AKAP17A: variants seen among roughly 807,000 people sequenced by gnomAD.
AKAP17A encodes A-kinase anchoring protein 17A.
AKAP17A carries 15 observed loss-of-function variants against 52.2 expected under a neutral mutation model. The observed-to-expected ratio is 0.29, with a 90% CI of 0.19 to 0.44. AKAP17A has a LOEUF of 0.44. AKAP17A is among the 20% of genes least tolerant of loss of function. The pLI is 1.00. For synonymous variants in AKAP17A, 514 were observed against 424.7 expected, an observed-to-expected ratio of 1.21 and a Z score of -2.58; for missense variants, 1,060 against 1,007.0, an observed-to-expected ratio of 1.05 and a Z score of -0.71.
Position 1,593,573 on chromosome X carries a change from G to C in AKAP17A, c.111G>C (p.Pro37=). The part of the protein sequence containing the change: ...ITKMTISVAL[P]QLKQPGKSIS... Reference sequence around the variant, plus strand: ...AGATGACCATCAGCGTGGCACTCCCGCAGCTGAAGCAGCCGGGGAAGTCCA... The same window carrying C: ...AGATGACCATCAGCGTGGCACTCCCCCAGCTGAAGCAGCCGGGGAAGTCCA... Residue 37 remains proline (P), a synonymous_variant, in exon 2 of 5, where the codon CCG becomes CCC. Transcript: ENST00000313871. 3 of 1,613,790 alleles carry C rather than the reference G, an allele frequency of 1.9e-6. No individual in the cohort carries two copies. The highest frequency in any genetic ancestry group is 2.5e-6 in the Non-Finnish European group (3 of 1,179,870).
chrX:1,595,245 C>G (rs1480056416), intron 2 of AKAP17A, 139 bp from the exon 3 acceptor site: 2 of 244,780 alleles, frequency 8.2e-6, no homozygotes, highest in Non-Finnish European at 1.2e-5. Flanking sequence ...CTGCACCGGA[C>G]ATGAGTGGTG....
At chrX:1,598,640 C>G (rs1933158930) in intron 3 of AKAP17A, among the ~76,000 whole-genome samples, 1 of 152,280 alleles carries the variant, frequency 6.6e-6, no homozygotes, top group Admixed American at 6.5e-5. Flanking sequence ...TTCATCCTCA[C>G]TTCCTGGACA....
At position 1,600,686 on chromosome X, in the gene AKAP17A, AAGG is replaced by A. The variant is rs1433177680; in HGVS notation, c.1186_1188del (p.Glu396del). ...TGTGAAGCTACGGGAACAGGAGCAG[AAGG>A]AGGAGAAGCTGAGGCTCCAGCAGCA... On this transcript the variant is annotated inframe_deletion, in exon 5 of 5. Coordinates refer to ENST00000313871, the MANE Select transcript of AKAP17A (RefSeq NM_005088.3). 3.2e-6 allele frequency: 5 copies of A among 1,544,570 alleles called. No homozygotes were observed. In the African/African-American group the frequency reaches 4.1e-5, roughly 13 times the overall value.
rs773634719 is a variant in AKAP17A, at chrX:1,593,783, C to T, written c.321C>T (p.Ser107=). Reference sequence around the variant, plus strand: ...AGACCATCAAGCTCAGCGGCTTCTCCGACATCCTGAAGGTGCGCGCGGCCG... The same window carrying T: ...AGACCATCAAGCTCAGCGGCTTCTCTGACATCCTGAAGGTGCGCGCGGCCG... ...DGKTIKLSGF[S]DILKVRAAEF... The change falls in exon 2 of 5, where the codon TCC becomes TCT. Residue 107 remains serine (S), a synonymous_variant. Transcript: ENST00000313871. 32 of 1,613,572 alleles carry T rather than the reference C, an allele frequency of 2.0e-5. No individual in the cohort carries two copies. Among genetic ancestry groups the T allele is most frequent in the Middle Eastern group, 1.6e-4 (1 of 6,078 alleles).
chrX:1,597,072 G>A (rs1933037535), intron 3 of AKAP17A, among the ~76,000 whole-genome samples: 1 of 152,218 alleles, frequency 6.6e-6, no homozygotes, highest in Non-Finnish European at 1.5e-5. Flanking sequence ...ACAGCCTCTG[G>A]TGGGACCGAG....
rs1215634092 is a variant in AKAP17A at position 1,601,742 on chromosome X, G to T, written c.*148G>T. Reference sequence around the variant, plus strand: ...TGTCCACGGAGCCCGCCGGCAGGAAGGAAGACACCATGCTTTAGAGATCCA... The same window carrying T: ...TGTCCACGGAGCCCGCCGGCAGGAATGAAGACACCATGCTTTAGAGATCCA... On this transcript the variant is annotated 3_prime_UTR_variant, in exon 5 of 5. Coordinates refer to ENST00000313871, the MANE Select transcript of AKAP17A (RefSeq NM_005088.3). 4 of 659,900 alleles carry T rather than the reference G, an allele frequency of 6.1e-6. No homozygotes were observed. Among genetic ancestry groups the T allele is most frequent in the Middle Eastern group, 4.4e-4 (1 of 2,248 alleles). The allele number at this position is 659,900 out of a possible 1,614,324, so 40.9% of individuals were successfully genotyped here. A position where few individuals can be genotyped will look rare whatever the true frequency, so the allele number is the denominator to read the frequency against.
intron 4 of AKAP17A, chrX:1,599,666 G>C (rs1320997692): frequency 2.3e-5 from 16 of 696,766 alleles, no homozygotes; most frequent in Non-Finnish European, 2.5e-6. Flanking sequence ...GGTGCATTCA[G>C]GTTCCCCGAG....
intron 1 of AKAP17A, among the ~76,000 whole-genome samples, chrX:1,592,304 G>A (rs763703056): frequency 6.6e-6 from 1 of 152,052 alleles, no homozygotes; most frequent in East Asian, 1.9e-4. Context: ...AATGTGTGGG[G>A]CCCTGCCAGG....
At chrX:1,596,184 A>G (rs1264393633) in intron 3 of AKAP17A, among the ~76,000 whole-genome samples, 1 of 148,092 alleles carries the variant, frequency 6.8e-6, no homozygotes, top group Admixed American at 6.8e-5. Context: ...TTGAGGCTAC[A>G]TTTACAAAAT....
chrX:1,600,184 T>G, intron 4 of AKAP17A: 1 of 1,307,328 alleles, frequency 7.6e-7, no homozygotes, highest in South Asian at 1.2e-5. Context: ...CTGAGACATG[T>G]GGCAGCCCAG....
Position 1,601,269 on chromosome X carries a change from G to T in AKAP17A, c.1763G>T (p.Gly588Val). The change falls in exon 5 of 5, where the codon GGC (glycine) becomes GTC (valine). Residue 588 changes from glycine to valine, a missense_variant. By Grantham distance (109) the Gly-to-Val change is moderately radical. Around this residue, in one of 2 missense-constraint regions of AKAP17A, gnomAD observed 793 missense variants for 629.9 expected, o/e 1.26. Transcript: ENST00000313871. The stretch of plus-strand genomic sequence containing the variant: ...AACCGGGAGCCCAGCAAGGGCCGGG[G>T]CCGGGCCACCGGAGACGGGCTTGCT... ...KCNREPSKGR[G>V]RATGDGLADR... The T allele has an allele frequency of 6.2e-7, 1 of 1,612,920 alleles. No individual in the cohort carries two copies. Among genetic ancestry groups the T allele is most frequent in the Non-Finnish European group, 8.5e-7 (1 of 1,179,510 alleles).
chrX:1,599,573 G>A (rs1289660755), intron 4 of AKAP17A, 141 bp downstream of exon 4: 35 of 1,167,892 alleles, frequency 3.0e-5, no homozygotes, highest in Non-Finnish European at 4.3e-5. Flanking sequence ...TGCCGAGGAT[G>A]ACGGCTCCTT....
Position 1,602,076 on chromosome X carries a change from A to C in AKAP17A, c.*482A>C, listed in dbSNP as rs1933418824. On this transcript the variant is annotated 3_prime_UTR_variant, in exon 5 of 5. Transcript: ENST00000313871. The stretch of plus-strand genomic sequence containing the variant: ...GTAATGTTAACTGATCAGGAAGTGC[A>C]GTTTGGGTGGGATGCCGAATCGTCG... The C allele has an allele frequency of 6.3e-6, 1 of 157,856 alleles. No homozygotes were observed. The highest frequency in any genetic ancestry group is 2.4e-5 in the African/African-American group (1 of 41,694). The allele number at this position is 157,856 out of a possible 1,614,324, so 9.8% of individuals were successfully genotyped here. A position where few individuals can be genotyped will look rare whatever the true frequency, so the allele number is the denominator to read the frequency against.
chrX:1,592,748 G>A (rs1932860688), intron 1 of AKAP17A, among the ~76,000 whole-genome samples: 1 of 152,160 alleles, frequency 6.6e-6, no homozygotes, highest in African/African-American at 2.4e-5. Flanking sequence ...GGAAGTGGCT[G>A]CCCGTCAGCT....
Position 1,600,870 on chromosome X carries a change from A to T in AKAP17A, c.1364A>T (p.Glu455Val). The change falls in exon 5 of 5, where the codon GAG becomes GTG. Residue 455 changes from glutamate (E) to valine (V), a missense_variant. Physicochemically the swap from Glu to Val is moderately radical, Grantham distance 121. Transcript: ENST00000313871. ...KKPDDSHTHD[E>V]LGVAHADLLQ... ...CCGGACGACAGCCACACACACGACG[A>T]GCTGGGCGTGGCACACGCCGACCTG... 1.3e-6 allele frequency: 2 copies of T among 1,588,172 alleles called. No homozygotes were observed. The highest frequency in any genetic ancestry group is 1.7e-6 in the Non-Finnish European group (2 of 1,171,398).
chrX:1,598,209 G>GGGCA (rs1569352527), intron 3 of AKAP17A, among the ~76,000 whole-genome samples: 4 of 148,106 alleles, frequency 2.7e-5, no homozygotes, highest in African/African-American at 1.1e-4. Context: ...CTCACAGGGC[G>GGGCA]GTTAAACCTT....
intron 3 of AKAP17A, among the ~76,000 whole-genome samples, chrX:1,596,101 C>T (rs1462841146): frequency 6.6e-6 from 1 of 152,098 alleles, no homozygotes; most frequent in African/African-American, 2.4e-5. Context: ...CACCTCTTCT[C>T]CCTCCACATG....
chrX:1,591,921 G>A (rs1189276964), intron 1 of AKAP17A, among the ~76,000 whole-genome samples, 152 bp downstream of exon 1: 1 of 149,642 alleles, frequency 6.7e-6, no homozygotes, highest in African/African-American at 2.5e-5. Context: ...GTGCCACCGG[G>A]GGGCTGGGAG....
intron 3 of AKAP17A, 21 bp from the exon 4 acceptor site, chrX:1,599,171 C>A (rs1432165927): frequency 6.2e-7 from 1 of 1,609,566 alleles, no homozygotes; most frequent in East Asian, 2.2e-5. Context: ...TCTGTGACCA[C>A]CCCCGGTGTG....
Sources: allele counts gnomAD v4.1 joint callset (sites outside exome capture counted in the v4.1 genomes callset), GRCh38; gene constraint gnomAD v4.1.1; regional missense constraint gnomAD v4.1.1; transcripts MANE v1.5; gene names NCBI Gene and HGNC (gene_info 2026-07-23, HGNC 2026-07-21).